The following CLSTN1 variants were observed in gnomAD, a reference collection of about 807,000 sequenced individuals.
The protein encoded by CLSTN1 is calsyntenin-1.
A neutral mutation model predicts 108.3 loss-of-function variants in CLSTN1; 28 were observed. The observed-to-expected ratio is 0.26, with a 90% CI of 0.19 to 0.35. The LOEUF is 0.35. Ranked by LOEUF, CLSTN1 falls within the 10% of genes least tolerant of loss-of-function variation. The pLI, the probability that CLSTN1 is intolerant of heterozygous loss-of-function variation, is 1.00. For synonymous variants in CLSTN1, 524 were observed against 534.9 expected, an observed-to-expected ratio of 0.98 and a Z score of 0.28; for missense variants, 1,157 against 1,302.6, an observed-to-expected ratio of 0.89 and a Z score of 1.72.
At chr1:9,765,666 G>C (rs762064781) in intron 2 of CLSTN1, among the ~76,000 whole-genome samples, 7 of 152,180 alleles carry the variant, frequency 4.6e-5, no homozygotes, top group Middle Eastern at 3.4e-3. Context: ...GATCACCTGA[G>C]GTCAGCAGTT....
At chr1:9,762,551 G>A (rs1000506283) in intron 2 of CLSTN1, among the ~76,000 whole-genome samples, 2 of 149,938 alleles carry the variant, frequency 1.3e-5, no homozygotes, top group Non-Finnish European at 1.5e-5. Flanking sequence ...CACACTCAAC[G>A]GCTCCGCTCC....
At chr1:9,761,953 G>A (rs533519256) in intron 2 of CLSTN1, among the ~76,000 whole-genome samples, 107 of 152,288 alleles carry the variant, frequency 7.0e-4, no homozygotes, top group African/African-American at 2.4e-3. Flanking sequence ...AAGCCAAGGC[G>A]GCTGGAGACC....
intron 1 of CLSTN1, among the ~76,000 whole-genome samples, chr1:9,810,601 C>T (rs927758745): frequency 6.0e-4 from 91 of 151,262 alleles, no homozygotes; most frequent in African/African-American, 2.2e-3. Context: ...ATGGTGAAAC[C>T]CCATCTCTAC....
intron 7 of CLSTN1, among the ~76,000 whole-genome samples, chr1:9,746,688 T>C (rs1651282988): frequency 6.6e-6 from 1 of 151,404 alleles, no homozygotes; most frequent in Admixed American, 6.6e-5. Context: ...CATTCCAGCC[T>C]GGGCGACAGT....
At chr1:9,735,349 T>C (rs1004864621) in intron 13 of CLSTN1, 118 bp downstream of exon 13, 5 of 1,471,672 alleles carry the variant, frequency 3.4e-6, no homozygotes, top group Non-Finnish European at 4.7e-6. Context: ...TGCCCCACAC[T>C]TTCTGGTTAC....
intron 7 of CLSTN1, 112 bp downstream of exon 7, chr1:9,749,349 C>A: frequency 1.8e-6 from 2 of 1,083,160 alleles, no homozygotes; most frequent in South Asian, 3.3e-5. Context: ...AATGCAGATT[C>A]TCTGTCACAG....
In CLSTN1 at chr1:9,735,578, T is replaced by G; in HGVS notation, c.1772A>C (p.Glu591Ala). 1 of 1,614,080 alleles carries G rather than the reference T, an allele frequency of 6.2e-7. No individual in the cohort carries two copies. The highest frequency in any genetic ancestry group is 1.1e-5 in the South Asian group (1 of 91,080). ...ATCCAATTCCCCGAGGTCTTCTCCC[T>G]CCAAGGTCAATACCAACTGGCTGGG... ...AHPSQLVLTL[E>A]GEDLGELDKA... The change falls in exon 13 of 19, where the codon GAG (glutamate) becomes GCG (alanine). Residue 591 changes from glutamate (E) to alanine (A), a missense_variant. Glu to Ala is a moderately radical substitution (Grantham distance 107). Transcript: ENST00000377298.
At chr1:9,764,611 T>C (rs1404034502) in intron 2 of CLSTN1, among the ~76,000 whole-genome samples, 1 of 135,910 alleles carries the variant, frequency 7.4e-6, no homozygotes, top group Non-Finnish European at 1.5e-5. Context: ...CATTCCAGCC[T>C]GGGTGATGAA....
chr1:9,756,453 A>G (rs779803981), intron 3 of CLSTN1, 28 bp downstream of exon 3: 13 of 1,599,810 alleles, frequency 8.1e-6, no homozygotes, highest in Non-Finnish European at 1.1e-5. Flanking sequence ...TAATATTCAT[A>G]AGAGGGGAAG....
intron 1 of CLSTN1, among the ~76,000 whole-genome samples, chr1:9,776,970 C>A (rs770893294): frequency 3.3e-5 from 5 of 151,954 alleles, no homozygotes; most frequent in Non-Finnish European, 5.9e-5. Context: ...GTAATCCCAG[C>A]GTGTTGGGAG....
In CLSTN1 at chr1:9,754,011, T is replaced by C. The variant is rs115169610; in HGVS notation, c.440+1103A>G. ...TTTGTAGAGATGGCATCTCCTACAT[T>C]GTCTAGGCTGCTCTCAAACTCCTAG... is the stretch of plus-strand genomic sequence containing the variant. On this transcript the variant is annotated intron_variant, in intron 4 of 18. Transcript: ENST00000377298. Among the ~76,000 whole-genome samples, 256 of 151,734 alleles carry C rather than the reference T, an allele frequency of 1.7e-3. 1 individual carries two copies. The highest frequency in any genetic ancestry group is 5.9e-3 in the African/African-American group (245 of 41,328).
At chr1:9,772,909 G>C (rs1412969291) in intron 2 of CLSTN1, among the ~76,000 whole-genome samples, 1 of 152,184 alleles carries the variant, frequency 6.6e-6, no homozygotes, top group Non-Finnish European at 1.5e-5. Context: ...CAGTACCTAG[G>C]AGCAGGTGAG....
rs148584143 is a variant in CLSTN1 at position 9,730,601 on chromosome 1, C to G, written c.2853G>C (p.Glu951Asp). The change falls in exon 19 of 19, where the codon GAG becomes GAC. Residue 951 changes from glutamate to aspartate, a missense_variant. Glu to Asp is a conservative substitution (Grantham distance 45). Coordinates refer to ENST00000377298, the MANE Select transcript of CLSTN1 (RefSeq NM_001009566.3). This position sits in a 1 kb window ranked among gnomAD's most constrained non-coding sequence, Gnocchi z 5.6. ...EEDDITSAESESSEEEEGEQG... is the reference protein window; with the variant it reads ...EEDDITSAESDSSEEEEGEQG... ...GCTCCCCCTCCTCCTCCTCGCTGCT[C>G]TCCGACTCGGCGCTGGTGATGTCAT... 8.0e-3 allele frequency: 12,827 copies of G among 1,610,268 alleles called. 70 individuals carry two copies. Among genetic ancestry groups the G allele is most frequent in the Non-Finnish European group, 9.7e-3 (11,503 of 1,179,956 alleles).
chr1:9,737,776 A>T (rs555582564), intron 10 of CLSTN1, among the ~76,000 whole-genome samples: 19 of 152,098 alleles, frequency 1.2e-4, no homozygotes, highest in Non-Finnish European at 2.5e-4. Context: ...CTTTTGTTCC[A>T]CCTTCCCACA....
intron 8 of CLSTN1, 131 bp from the exon 9 acceptor site, chr1:9,744,136 G>A (rs768382011): frequency 3.7e-5 from 49 of 1,323,226 alleles, no homozygotes; most frequent in Non-Finnish European, 1.0e-5. Context: ...GCCAAGGCAG[G>A]GCTTAGAAAC....
intron 1 of CLSTN1, among the ~76,000 whole-genome samples, chr1:9,775,971 CCTCT>C (rs1040009362): frequency 3.3e-5 from 5 of 151,772 alleles, no homozygotes; most frequent in African/African-American, 9.7e-5. Flanking sequence ...AAAGCTGCCT[CCTCT>C]CTTTTTTTTT....
At chr1:9,766,694 T>G (rs1652352923) in intron 2 of CLSTN1, among the ~76,000 whole-genome samples, 1 of 152,100 alleles carries the variant, frequency 6.6e-6, no homozygotes, top group South Asian at 2.1e-4. Flanking sequence ...ATACAAAAAT[T>G]GTTTTCTGAC....
intron 7 of CLSTN1, among the ~76,000 whole-genome samples, chr1:9,747,050 C>G (rs1651301676): frequency 6.6e-6 from 1 of 150,898 alleles, no homozygotes; most frequent in Admixed American, 6.6e-5. Context: ...CATCATGGCA[C>G]ATGCCTGTAA....
At chr1:9,763,110 C>T (rs1652164086) in intron 2 of CLSTN1, among the ~76,000 whole-genome samples, 1 of 152,000 alleles carries the variant, frequency 6.6e-6, no homozygotes, top group Admixed American at 6.6e-5. Context: ...TACAGGTGCA[C>T]ACCACCACGC....
Sources: allele counts gnomAD v4.1 joint callset (sites outside exome capture counted in the v4.1 genomes callset), GRCh38; gene constraint gnomAD v4.1.1; non-coding constraint Gnocchi (gnomAD v3.1); transcripts MANE v1.5; gene names NCBI Gene and HGNC (gene_info 2026-07-23, HGNC 2026-07-21).